The following BABAM2 variants were observed in gnomAD, a reference collection of about 807,000 sequenced individuals.
BABAM2 encodes BRISC and BRCA1-A complex member 2.
BABAM2 carries 31 observed loss-of-function variants against 54.7 expected under a neutral mutation model. The ratio of observed to expected loss-of-function variants is 0.57; its 90% CI spans 0.43 to 0.77. The LOEUF (loss-of-function observed/expected upper bound fraction) is 0.77, where lower values mean the gene tolerates loss of function less well. Among genes scored for constraint, BABAM2 ranks in the 30% least tolerant of loss-of-function variants. The pLI, the probability that BABAM2 is intolerant of heterozygous loss-of-function variation, is 0.00. For missense variants in BABAM2, 364 were observed against 455.8 expected, an observed-to-expected ratio of 0.80 and a Z score of 1.83; for synonymous variants, 167 against 162.9, an observed-to-expected ratio of 1.03 and a Z score of -0.19.
intron 11 of BABAM2, chr2:28,307,891 T>G (rs552756353): frequency 6.6e-6 from 1 of 152,374 alleles, no homozygotes; most frequent in Non-Finnish European, 1.5e-5. Flanking sequence ...CAGAGGACAT[T>G]GAAATTGGCA....
intron 6 of BABAM2, among the ~76,000 whole-genome samples, chr2:28,070,642 C>T (rs545464691): frequency 7.9e-5 from 12 of 151,952 alleles, no homozygotes; most frequent in Non-Finnish European, 1.5e-4. Flanking sequence ...CTCCGCCTCC[C>T]GGGTTCACGC....
chr2:28,038,402 CA>C (rs376513576), intron 5 of BABAM2, among the ~76,000 whole-genome samples: 105 of 152,288 alleles, frequency 6.9e-4, no homozygotes, highest in African/African-American at 1.8e-3. Flanking sequence ...ATTTTACATT[CA>C]GGGGGTACAC....
intron 10 of BABAM2, among the ~76,000 whole-genome samples, chr2:28,257,605 C>T (rs1268830516): frequency 6.6e-6 from 1 of 152,110 alleles, no homozygotes; most frequent in Non-Finnish European, 1.5e-5. Context: ...AATGCTAGGC[C>T]AGACTCGGTG....
intron 6 of BABAM2, among the ~76,000 whole-genome samples, chr2:28,068,727 A>G (rs1663850116): frequency 6.6e-6 from 1 of 152,226 alleles, no homozygotes; most frequent in Non-Finnish European, 1.5e-5. Context: ...AAACCTGCCA[A>G]TGAAAGATAG....
intron 2 of BABAM2, among the ~76,000 whole-genome samples, chr2:27,898,514 AG>A (rs1573112513): frequency 6.6e-6 from 1 of 152,334 alleles, no homozygotes; most frequent in East Asian, 1.9e-4. Flanking sequence ...AGGTTTTTGC[AG>A]GTCAAAAGTC....
rs144487846 is a variant in BABAM2 at position 28,266,893 on chromosome 2, C to T, written c.934+22031C>T. Reference sequence around the variant, plus strand: ...ACAAAAGGCTGGGTGCAGTGGCTCACGCCTGTAATCCCAGCATTTTGGGAG... The same window carrying T: ...ACAAAAGGCTGGGTGCAGTGGCTCATGCCTGTAATCCCAGCATTTTGGGAG... On this transcript the variant is annotated intron_variant, in intron 10 of 11. Coordinates refer to ENST00000379624, the MANE Select transcript of BABAM2 (RefSeq NM_199191.3). Among the ~76,000 whole-genome samples, 621 of 152,290 alleles carry T rather than the reference C, an allele frequency of 4.1e-3. 4 individuals carry two copies. The highest frequency in any genetic ancestry group is 0.014 in the African/African-American group (594 of 41,566).
In BABAM2 at chr2:28,026,924, A is replaced by ATC. The variant is rs1558667789; in HGVS notation, c.495+1505_495+1506insCT. 2.7e-4 allele frequency among the ~76,000 whole-genome samples: 8 copies of ATC among 30,010 alleles called. 1 individual carries two copies. The highest frequency in any genetic ancestry group is 5.3e-4 in the Non-Finnish European group (7 of 13,232). The allele number at this position is 30,010 out of a possible 152,430, so 19.7% of individuals were successfully genotyped here. A position where few individuals can be genotyped will look rare whatever the true frequency, so the allele number is the denominator to read the frequency against. The stretch of plus-strand genomic sequence containing the variant: ...TATATATAAATATATATTAATATAT[A>ATC]TAAATATATATATAAATATATATTA... On this transcript the variant is annotated intron_variant, in intron 5 of 11. Transcript: ENST00000379624.
intron 7 of BABAM2, among the ~76,000 whole-genome samples, chr2:28,192,862 GA>G (rs1206165044): frequency 6.6e-6 from 1 of 151,394 alleles, no homozygotes; most frequent in African/African-American, 2.4e-5. Flanking sequence ...TTTGTTTCAT[GA>G]AAATTGCTCT....
At chr2:28,035,704 G>T (rs921549260) in intron 5 of BABAM2, among the ~76,000 whole-genome samples, 114 of 152,136 alleles carry the variant, frequency 7.5e-4, no homozygotes, top group African/African-American at 2.6e-3. Context: ...ATTTTGACTT[G>T]CATGTCAATG....
chr2:27,936,215 C>T (rs959060625), intron 3 of BABAM2, among the ~76,000 whole-genome samples: 4 of 152,092 alleles, frequency 2.6e-5, no homozygotes, highest in Non-Finnish European at 1.5e-5. Flanking sequence ...CCACCATGTC[C>T]GGCCGCAATA....
At chr2:27,899,732 G>A (rs1049352463) in intron 2 of BABAM2, among the ~76,000 whole-genome samples, 7 of 152,130 alleles carry the variant, frequency 4.6e-5, no homozygotes, top group Non-Finnish European at 8.8e-5. Context: ...CTCCCAAAGT[G>A]CTGGGATTAC....
chr2:28,150,495 C>A (rs537083429), intron 7 of BABAM2, among the ~76,000 whole-genome samples: 16 of 152,228 alleles, frequency 1.1e-4, no homozygotes, highest in African/African-American at 2.9e-4. Context: ...GATCATGGAA[C>A]TGTTGACACA....
chr2:28,318,742 T>C (rs985601391), intron 11 of BABAM2, among the ~76,000 whole-genome samples: 1 of 152,164 alleles, frequency 6.6e-6, no homozygotes, highest in Non-Finnish European at 1.5e-5. Context: ...ATGCATGGTG[T>C]CCCCCAGTTT....
At chr2:27,909,383 G>GACTA (rs1666416748) in intron 2 of BABAM2, among the ~76,000 whole-genome samples, 6 of 152,094 alleles carry the variant, frequency 3.9e-5, no homozygotes, top group Admixed American at 1.3e-4. Context: ...AGAAATGTCT[G>GACTA]TTCAAGTCTT....
intron 7 of BABAM2, among the ~76,000 whole-genome samples, chr2:28,191,126 C>A (rs1029765164): frequency 6.6e-6 from 1 of 152,116 alleles, no homozygotes; most frequent in Non-Finnish European, 1.5e-5. Context: ...AGAAGACAAA[C>A]AGCTTAATAC....
chr2:28,249,328 A>G (rs1683216631), intron 10 of BABAM2, among the ~76,000 whole-genome samples: 5 of 152,056 alleles, frequency 3.3e-5, no homozygotes. Context: ...GCCTCAAGCA[A>G]TCTACCCGCC....
intron 7 of BABAM2, among the ~76,000 whole-genome samples, chr2:28,144,871 C>A (rs1671360581): frequency 6.6e-6 from 1 of 152,210 alleles, no homozygotes; most frequent in African/African-American, 2.4e-5. Flanking sequence ...AGGATTCAAA[C>A]CCAGATCTGT....
chr2:28,228,024 G>A (rs1222965926), intron 7 of BABAM2, among the ~76,000 whole-genome samples: 2 of 151,988 alleles, frequency 1.3e-5, no homozygotes, highest in Non-Finnish European at 2.9e-5. Flanking sequence ...TCCATCTCAA[G>A]CCTCAGGTTT....
intron 7 of BABAM2, among the ~76,000 whole-genome samples, chr2:28,190,003 T>C (rs906220050): frequency 6.6e-6 from 1 of 152,170 alleles, no homozygotes; most frequent in Non-Finnish European, 1.5e-5. Context: ...TCTATAGACA[T>C]TCAGTTTTTG....
Sources: gnomAD v4.1 joint callset for allele counts (sites outside exome capture counted in the v4.1 genomes callset) on GRCh38, gnomAD v4.1.1 for gene constraint, MANE v1.5 for transcripts, NCBI Gene and HGNC (gene_info 2026-07-23, HGNC 2026-07-21) for gene names.